FANCM: variants seen among roughly 807,000 people sequenced by gnomAD.
FANCM encodes the protein FA complementation group M, also known as Fanconi anemia group M protein.
A neutral mutation model predicts 199.5 loss-of-function variants in FANCM; 140 were observed. The observed-to-expected ratio is 0.70, with a 90% confidence interval of 0.61 to 0.81. The LOEUF (loss-of-function observed/expected upper bound fraction) is 0.81, where lower values mean the gene tolerates loss of function less well. Ranked by LOEUF, FANCM falls within the 30% of genes least tolerant of loss-of-function variation. FANCM has a pLI of 0.00. For missense variants in FANCM, 2,410 were observed against 2,421.4 expected, an observed-to-expected ratio of 1.00 and a Z score of 0.10; for synonymous variants, 840 against 836.8, an observed-to-expected ratio of 1.00 and a Z score of -0.07.
chr14:45,163,863 T>G (rs1887772704), intron 9 of FANCM, among the ~76,000 whole-genome samples: 1 of 152,196 alleles, frequency 6.6e-6, no homozygotes, highest in Non-Finnish European at 1.5e-5. Context: ...ATTAGAACTG[T>G]TTATTTTACC....
In FANCM at chr14:45,176,257, G is replaced by C; in HGVS notation, c.3503G>C (p.Ser1168Thr). Residue 1168 changes from serine (S) to threonine (T), a missense_variant, in exon 14 of 23, where the codon AGT becomes ACT. Coordinates refer to ENST00000267430, the MANE Select transcript of FANCM (RefSeq NM_020937.4). Reference sequence around the variant, plus strand: ...CCTGTGTCAGACAAAACTGCTATTAGTGAAACGCCTCTGGTCTCTCAGTTC... The same window carrying C: ...CCTGTGTCAGACAAAACTGCTATTACTGAAACGCCTCTGGTCTCTCAGTTC... ...SLPVSDKTAI[S>T]ETPLVSQFLI... 1 of 1,614,062 alleles carries C rather than the reference G, an allele frequency of 6.2e-7. No homozygotes were observed. The highest frequency in any genetic ancestry group is 8.5e-7 in the Non-Finnish European group (1 of 1,179,932).
At chr14:45,182,040 A>G (rs1287632011) in intron 16 of FANCM, among the ~76,000 whole-genome samples, 1 of 152,264 alleles carries the variant, frequency 6.6e-6, no homozygotes, top group Non-Finnish European at 1.5e-5. Context: ...TCAAGAATAT[A>G]TCCTAAAACT....
At chr14:45,137,268 G>T (rs1594751938) in intron 2 of FANCM, 27 bp downstream of exon 2, 1 of 1,590,830 alleles carries the variant, frequency 6.3e-7, no homozygotes, top group Non-Finnish European at 8.6e-7. Flanking sequence ...ACGGTATTTT[G>T]TATTGTAACT....
At position 45,181,686 on chromosome 14, in the gene FANCM, G is replaced by A. The variant is rs749332566; in HGVS notation, c.4367G>A (p.Arg1456His). The A allele has an allele frequency of 4.0e-5, 65 of 1,608,792 alleles. No individual in the cohort carries two copies. Among genetic ancestry groups the A allele is most frequent in the East Asian group, 4.5e-5 (2 of 44,716 alleles). The change falls in exon 16 of 23, where the codon CGC becomes CAC. Residue 1456 changes from arginine (R) to histidine (H), a missense_variant. Transcript: ENST00000267430. Reference sequence around the variant, plus strand: ...TCTCCACTTCATGCTGTCAAAAAGCGCAGATTTCCTATAAACAGAGTAAGT... The same window carrying A: ...TCTCCACTTCATGCTGTCAAAAAGCACAGATTTCCTATAAACAGAGTAAGT... The part of the protein sequence containing the change: ...VDSPLHAVKK[R>H]RFPINRSELS...
intron 10 of FANCM, among the ~76,000 whole-genome samples, chr14:45,166,141 A>C (rs1566750741): frequency 1.3e-5 from 2 of 151,660 alleles, no homozygotes; most frequent in African/African-American, 2.4e-5. Flanking sequence ...TAAAAAAAAA[A>C]AAACAAAAAA....
chr14:45,169,089 T>G (rs1364534370), intron 11 of FANCM, among the ~76,000 whole-genome samples: 2 of 151,822 alleles, frequency 1.3e-5, no homozygotes, highest in African/African-American at 4.8e-5. Flanking sequence ...ACCTGGCTCA[T>G]TTTTACGTTT....
At chr14:45,169,576 A>T (rs1253941791) in intron 11 of FANCM, among the ~76,000 whole-genome samples, 1 of 151,362 alleles carries the variant, frequency 6.6e-6, no homozygotes, top group African/African-American at 2.4e-5. Flanking sequence ...ATTTTATTTT[A>T]TTTTTTTAGA....
At chr14:45,192,625 A>G (rs1291392708) in intron 20 of FANCM, among the ~76,000 whole-genome samples, 1 of 152,132 alleles carries the variant, frequency 6.6e-6, no homozygotes, top group Non-Finnish European at 1.5e-5. Flanking sequence ...CCTGTGCAAC[A>G]TAGCGAGACT....
intron 4 of FANCM, among the ~76,000 whole-genome samples, chr14:45,150,493 A>T (rs1173028687): frequency 6.6e-6 from 1 of 152,210 alleles, no homozygotes; most frequent in East Asian, 1.9e-4. Context: ...AAAAATTTAA[A>T]CACTTACATA....
intron 21 of FANCM, 126 bp downstream of exon 21, chr14:45,196,673 T>C (rs1482694542): frequency 5.7e-5 from 49 of 856,112 alleles, no homozygotes; most frequent in Non-Finnish European, 8.3e-5. Context: ...GTGAATGTCA[T>C]TTCATATTTT....
intron 21 of FANCM, among the ~76,000 whole-genome samples, chr14:45,197,346 T>A (rs1035904697): frequency 6.6e-6 from 1 of 152,210 alleles, no homozygotes; most frequent in Non-Finnish European, 1.5e-5. Flanking sequence ...CTTTTGGTAA[T>A]AGTGTAGTTT....
Position 45,183,787 on chromosome 14 carries a change from C to G in FANCM, c.4400C>G (p.Ser1467Cys). The G allele has an allele frequency of 6.2e-7, 1 of 1,606,498 alleles. No homozygotes were observed. Among genetic ancestry groups the G allele is most frequent in the Non-Finnish European group, 8.5e-7 (1 of 1,173,574 alleles). ...RFPINRSELS[S>C]SDESENFPKP... ...GAATTATTATAGTCAGAATTATCATCTAGTGATGAGAGTGAGAATTTTCCC... is the reference window on the plus strand; with the variant it reads ...GAATTATTATAGTCAGAATTATCATGTAGTGATGAGAGTGAGAATTTTCCC... The change falls in exon 17 of 23, where the codon TCT becomes TGT. Residue 1467 changes from serine (S) to cysteine (C), a missense_variant. Coordinates refer to ENST00000267430, the MANE Select transcript of FANCM (RefSeq NM_020937.4).
Position 45,164,560 on chromosome 14 carries a change from G to A in FANCM, c.1783G>A (p.Glu595Lys), listed in dbSNP as rs568513434. 2 of 1,608,996 alleles carry A rather than the reference G, an allele frequency of 1.2e-6. No individual in the cohort carries two copies. The highest frequency in any genetic ancestry group is 1.9e-4 in the Middle Eastern group (1 of 5,204). Residue 595 changes from glutamate to lysine, a missense_variant, in exon 10 of 23, where the codon GAA becomes AAA. Glu to Lys is a moderately conservative substitution (Grantham distance 56). Coordinates refer to ENST00000267430, the MANE Select transcript of FANCM (RefSeq NM_020937.4). ...IVIILSEGRE[E>K]RIYNQSQSNK... ...TATTATCCTTTCTGAAGGACGAGAG[G>A]AACGTGTAAGTAGAGCTGCAGAAAC...
rs202096596 is a variant in FANCM at position 45,169,383 on chromosome 14, G to GTT, written c.2003-1195_2003-1194dup. Among the ~76,000 whole-genome samples the GTT allele has an allele frequency of 1.7e-3, 234 of 137,640 alleles. 1 individual carries two copies. Among genetic ancestry groups the GTT allele is most frequent in the East Asian group, 6.1e-3 (29 of 4,774 alleles). The allele number at this position is 137,640 out of a possible 152,430, so 90.3% of individuals were successfully genotyped here. ...AGAGAAGCCTTTTATTTATTTATTT[G>GTT]TTTTTTTTTTTTCATTTTTAATTTT... is the stretch of plus-strand genomic sequence containing the variant. On this transcript the variant is annotated intron_variant, in intron 11 of 22. Coordinates refer to ENST00000267430, the MANE Select transcript of FANCM (RefSeq NM_020937.4).
At chr14:45,175,040 C>A in intron 13 of FANCM, 31 bp from the exon 14 acceptor site, 1 of 1,442,206 alleles carries the variant, frequency 6.9e-7, no homozygotes, top group Non-Finnish European at 9.7e-7. Flanking sequence ...TTTTGTTTTC[C>A]TGTGGCTTTT....
At chr14:45,192,379 C>T (rs756808847) in intron 20 of FANCM, among the ~76,000 whole-genome samples, 12 of 152,178 alleles carry the variant, frequency 7.9e-5, no homozygotes, top group Non-Finnish European at 1.2e-4. Context: ...CAGTGGCTTA[C>T]GCCTATAATC....
chr14:45,163,173 T>C (rs1887726103), intron 9 of FANCM, among the ~76,000 whole-genome samples: 1 of 152,244 alleles, frequency 6.6e-6, no homozygotes, highest in Non-Finnish European at 1.5e-5. Flanking sequence ...GACACTAACA[T>C]TCAAATGCTG....
intron 3 of FANCM, among the ~76,000 whole-genome samples, chr14:45,144,041 T>C (rs528334447): frequency 2.6e-4 from 40 of 152,202 alleles, no homozygotes; most frequent in Admixed American, 1.2e-3. Context: ...TTAAAACTTT[T>C]TTTTTTTATT....
At chr14:45,198,993 C>A in intron 22 of FANCM, 58 bp downstream of exon 22, 1 of 1,363,262 alleles carries the variant, frequency 7.3e-7, no homozygotes, top group Non-Finnish European at 1.0e-6. Flanking sequence ...AAAAGCATTC[C>A]ATAGAAGTTT....
Sources: allele counts gnomAD v4.1 joint callset (sites outside exome capture counted in the v4.1 genomes callset), GRCh38; gene constraint gnomAD v4.1.1; transcripts MANE v1.5; gene names NCBI Gene and HGNC (gene_info 2026-07-23, HGNC 2026-07-21).